KPNA2: variants seen among roughly 807,000 people sequenced by gnomAD.
The protein encoded by KPNA2 is importin subunit alpha-1.
Under a neutral mutation model 53.7 loss-of-function variants are expected in KPNA2, and 20 were observed. The ratio of observed to expected loss-of-function variants is 0.37; its 90% CI spans 0.26 to 0.54. The LOEUF (loss-of-function observed/expected upper bound fraction) is 0.54. Ranked by LOEUF, KPNA2 falls within the 20% of genes least tolerant of loss-of-function variation. The probability of loss-of-function intolerance (pLI) is 0.83; values close to 1 mark genes in which losing one functional copy is unlikely to be tolerated. For synonymous variants in KPNA2, 238 were observed against 227.5 expected, an observed-to-expected ratio of 1.05 and a Z score of -0.42; for missense variants, 515 against 640.3, an observed-to-expected ratio of 0.80 and a Z score of 2.11.
chr17:68,042,071 T>C lies in KPNA2; in HGVS notation c.303-14T>C, dbSNP rs782180140. 1.3e-5 allele frequency: 21 copies of C among 1,596,994 alleles called. No homozygotes were observed. Among genetic ancestry groups the C allele is most frequent in the Non-Finnish European group, 6.0e-6 (7 of 1,168,040 alleles). The stretch of plus-strand genomic sequence containing the variant: ...TCACTGTCAACTTTTATTTCTCTTT[T>C]TGTTCCCCTTTAGGAAACTACTTTC... On this transcript the variant is annotated splice_polypyrimidine_tract_variant and intron_variant, in intron 4 of 10. Transcript: ENST00000330459.
intron 4 of KPNA2, among the ~76,000 whole-genome samples, chr17:68,041,295 G>T (rs2071257193): frequency 6.6e-6 from 1 of 152,212 alleles, no homozygotes; most frequent in Non-Finnish European, 1.5e-5. Context: ...TGGGTGCTGT[G>T]GCTCATTCCT....
At chr17:68,040,979 C>T (rs1171434074) in intron 4 of KPNA2, among the ~76,000 whole-genome samples, 1 of 152,218 alleles carries the variant, frequency 6.6e-6, no homozygotes, top group African/African-American at 2.4e-5. Context: ...TGGGTTCAAG[C>T]AGTCCTCTGA....
intron 3 of KPNA2, among the ~76,000 whole-genome samples, chr17:68,038,250 C>T (rs2071214233): frequency 6.6e-6 from 1 of 152,176 alleles, no homozygotes; most frequent in Admixed American, 6.5e-5. Flanking sequence ...GCTGGGATTA[C>T]AGGCGTGAGC....
intron 9 of KPNA2, 81 bp from the exon 10 acceptor site, chr17:68,045,691 A>AAT: frequency 9.7e-7 from 1 of 1,030,046 alleles, no homozygotes; most frequent in Non-Finnish European, 1.4e-6. Flanking sequence ...CTGACGTATC[A>AAT]ATATTCAAAT....
At chr17:68,045,502 G>A (rs1209682173) in intron 9 of KPNA2, 18 of 307,082 alleles carry the variant, frequency 5.9e-5, no homozygotes, top group Admixed American at 1.4e-4. Flanking sequence ...AAAGTTGCCC[G>A]CATGATTTTG....
chr17:68,037,617 CT>C, intron 3 of KPNA2, 122 bp downstream of exon 3: 1 of 951,170 alleles, frequency 1.1e-6, no homozygotes, highest in Admixed American at 2.4e-5. Context: ...CTGTGAACAT[CT>C]TTTTCTCTGT....
In KPNA2 at chr17:68,045,906, G is replaced by A; in HGVS notation, c.1482G>A (p.Lys494=). ...VYKASLSLIE[K]YFSVEEEEDQ... Reference sequence around the variant, plus strand: ...AGGCTTCGTTAAGCTTAATTGAGAAGTATTTCTCTGTAGAGGTGAGTAATG... The same window carrying A: ...AGGCTTCGTTAAGCTTAATTGAGAAATATTTCTCTGTAGAGGTGAGTAATG... The change falls in exon 10 of 11, where the codon AAG becomes AAA. Residue 494 remains lysine (K), a synonymous_variant. Coordinates refer to ENST00000330459, the MANE Select transcript of KPNA2 (RefSeq NM_002266.4). 1 of 1,587,520 alleles carries A rather than the reference G, an allele frequency of 6.3e-7. No homozygotes were observed. The highest frequency in any genetic ancestry group is 8.6e-7 in the Non-Finnish European group (1 of 1,166,580).
intron 7 of KPNA2, 98 bp downstream of exon 7, chr17:68,043,461 T>TGG: frequency 8.1e-7 from 1 of 1,227,468 alleles, no homozygotes; most frequent in Admixed American, 2.0e-5. Context: ...CCCAGCACTT[T>TGG]GGGAGACCAA....
intron 3 of KPNA2, among the ~76,000 whole-genome samples, chr17:68,039,995 G>A (rs983994393): frequency 2.6e-5 from 4 of 151,584 alleles, no homozygotes; most frequent in African/African-American, 7.3e-5. Flanking sequence ...CAGGAGAATC[G>A]CTTGAACCCA....
At chr17:68,042,816 A>G in intron 5 of KPNA2, 89 bp from the exon 6 acceptor site, 1 of 981,070 alleles carries the variant, frequency 1.0e-6, no homozygotes, top group South Asian at 1.4e-5. Context: ...GTGAGCCGAG[A>G]TCGCGCCACT....
At chr17:68,043,804 A>C (rs782600702) in intron 7 of KPNA2, 34 bp from the exon 8 acceptor site, 2 of 1,366,416 alleles carry the variant, frequency 1.5e-6, no homozygotes, top group African/African-American at 2.9e-5. Flanking sequence ...CTGGGGAAAA[A>C]ATAACCAGCA....
chr17:68,044,455 T>C lies in KPNA2; in HGVS notation c.1299T>C (p.Asp433=). 6.2e-7 allele frequency: 1 copy of C among 1,614,182 alleles called. No individual in the cohort carries two copies. The highest frequency in any genetic ancestry group is 8.5e-7 in the Non-Finnish European group (1 of 1,179,994). The change falls in exon 9 of 11, where the codon GAT becomes GAC. Residue 433 remains aspartate, a synonymous_variant. Coordinates refer to ENST00000330459, the MANE Select transcript of KPNA2 (RefSeq NM_002266.4). ...EPLMNLLTAK[D]TKIILVILDA... Reference sequence around the variant, plus strand: ...TGATGAACCTCTTAACTGCAAAAGATACCAAGATTATTCTGGTTATCCTGG... The same window carrying C: ...TGATGAACCTCTTAACTGCAAAAGACACCAAGATTATTCTGGTTATCCTGG...
Position 68,037,204 on chromosome 17 carries a change from T to A in KPNA2, c.72T>A (p.Ser24Arg). The change falls in exon 2 of 11, where the codon AGT becomes AGA. Residue 24 changes from serine (S) to arginine (R), a missense_variant. Physicochemically the swap from Ser to Arg is moderately radical, Grantham distance 110. Transcript: ENST00000330459. ...LHRFKNKGKDSTEMRRRRIEV... is the reference protein window; with the variant it reads ...LHRFKNKGKDRTEMRRRRIEV... ...GATTCAAGAACAAGGGAAAAGACAG[T>A]ACAGTGAGTACCTTCTGTTGCTTTC... The A allele has an allele frequency of 6.2e-7, 1 of 1,609,952 alleles. No individual in the cohort carries two copies. Among genetic ancestry groups the A allele is most frequent in the Non-Finnish European group, 8.5e-7 (1 of 1,177,756 alleles).
At chr17:68,045,609 G>A (rs1188819953) in intron 9 of KPNA2, 163 bp from the exon 10 acceptor site, 1 of 555,336 alleles carries the variant, frequency 1.8e-6, no homozygotes, top group Non-Finnish European at 3.1e-6. Context: ...CACATTGAGT[G>A]TCAACAAAAT....
At chr17:68,043,421 C>A in intron 7 of KPNA2, 58 bp downstream of exon 7, 1 of 1,546,682 alleles carries the variant, frequency 6.5e-7, no homozygotes, top group Non-Finnish European at 8.8e-7. Context: ...CAGGGCTGGG[C>A]GTGGTAGTGG....
chr17:68,037,379 G>T lies in KPNA2; in HGVS notation c.97G>T (p.Glu33Ter). The change falls in exon 3 of 11, where the codon GAG becomes TAG. Residue 33 changes from glutamate to a stop codon, truncating the protein, a stop_gained. Coordinates refer to ENST00000330459, the MANE Select transcript of KPNA2 (RefSeq NM_002266.4). LOFTEE classifies it high-confidence loss of function. ...DSTEMRRRRIEVNVELRKAKK... is the reference protein window; with the variant it reads ...DSTEMRRRRI ...CAAGGAAATGAGGCGTCGCAGAATA[G>T]AGGTCAATGTGGAGCTGAGGAAAGC... 6.2e-7 allele frequency: 1 copy of T among 1,613,896 alleles called. No homozygotes were observed. Among genetic ancestry groups the T allele is most frequent in the African/African-American group, 1.3e-5 (1 of 75,032 alleles).
chr17:68,038,833 C>T (rs1555704115), intron 3 of KPNA2, among the ~76,000 whole-genome samples: 1 of 152,170 alleles, frequency 6.6e-6, no homozygotes, highest in African/African-American at 2.4e-5. Flanking sequence ...GCCTAGGCAA[C>T]ATAGGAAGAC....
chr17:68,041,349 C>G (rs1555704554), intron 4 of KPNA2, among the ~76,000 whole-genome samples: 1 of 152,092 alleles, frequency 6.6e-6, no homozygotes, highest in African/African-American at 2.4e-5. Flanking sequence ...GTTACTTGAG[C>G]CCAGGAGTTT....
chr17:68,036,527 AT>A (rs1371131050), intron 1 of KPNA2: 1 of 152,358 alleles, frequency 6.6e-6, no homozygotes, highest in Non-Finnish European at 1.5e-5. Flanking sequence ...GAGGATCTGA[AT>A]TTATTGCCCT....
Sources: allele counts gnomAD v4.1 joint callset (sites outside exome capture counted in the v4.1 genomes callset), GRCh38; gene constraint gnomAD v4.1.1; transcripts MANE v1.5; gene names NCBI Gene and HGNC (gene_info 2026-07-23, HGNC 2026-07-21).